Variants in CFAP74 observed in about 807,000 individuals in gnomAD.
The protein encoded by CFAP74 is cilia- and flagella-associated protein 74.
A neutral mutation model predicts 188.9 loss-of-function variants in CFAP74; 124 were observed. That is an observed-to-expected ratio of 0.66 (90% CI 0.57 to 0.76). The LOEUF (loss-of-function observed/expected upper bound fraction) is 0.76, where lower values mean the gene tolerates loss of function less well. Among genes scored for constraint, CFAP74 ranks in the 30% least tolerant of loss-of-function variants. The pLI, the probability that CFAP74 is intolerant of heterozygous loss-of-function variation, is 0.00. For missense variants in CFAP74, 2,198 were observed against 2,165.2 expected (o/e 1.02, Z -0.30); for synonymous variants, 956 against 916.7 (o/e 1.04, Z -0.77).
intron 2 of CFAP74, 34 bp from the exon 3 acceptor site, chr1:1,989,007 AAAG>A: frequency 8.8e-7 from 1 of 1,131,506 alleles, no homozygotes; most frequent in Non-Finnish European, 1.3e-6. Context: ...AAAAAAAAAA[AAAG>A]CAGATCAAAC....
chr1:1,933,752 T>C (rs1392158455), intron 25 of CFAP74, among the ~76,000 whole-genome samples: 1 of 152,258 alleles, frequency 6.6e-6, no homozygotes, highest in Non-Finnish European at 1.5e-5. Flanking sequence ...TGTTTTTCTC[T>C]GTTGAATATT....
chr1:1,977,408 G>A (rs569133704), intron 6 of CFAP74, among the ~76,000 whole-genome samples: 2 of 152,206 alleles, frequency 1.3e-5, no homozygotes, highest in African/African-American at 2.4e-5. Flanking sequence ...CCCCTCCCTC[G>A]AAGGCAGGCT....
At chr1:1,940,204 G>C in intron 23 of CFAP74, 112 bp downstream of exon 23, 1 of 828,230 alleles carries the variant, frequency 1.2e-6, no homozygotes, top group Non-Finnish European at 1.9e-6. Context: ...TGGAAGGCAA[G>C]TGAGGATGAG....
In CFAP74 at chr1:1,995,352, C is replaced by T. The variant is rs28551502; in HGVS notation, c.-19-4377G>A. ...ACTAAAAATACAAAAATTAGCCGGG[C>T]GTGATGGCGCATCCCTGTAATCCCA... On this transcript the variant is annotated intron_variant, in intron 1 of 38. Coordinates refer to ENST00000682832, the MANE Select transcript of CFAP74 (RefSeq NM_001304360.2). 3.8e-3 allele frequency among the ~76,000 whole-genome samples: 581 copies of T among 151,522 alleles called. 2 individuals are homozygous for T. The highest frequency in any genetic ancestry group is 6.9e-3 in the Middle Eastern group (2 of 290).
intron 27 of CFAP74, among the ~76,000 whole-genome samples, chr1:1,928,221 G>A (rs1267308651): frequency 4.8e-5 from 2 of 41,668 alleles, no homozygotes. Context: ...CAAACCCTTG[G>A]GAGGAAGCCA....
chr1:1,958,823 G>A (rs1226719368), intron 16 of CFAP74, among the ~76,000 whole-genome samples: 25 of 151,238 alleles, frequency 1.7e-4, no homozygotes, highest in Non-Finnish European at 1.5e-5. Flanking sequence ...AAGAGCTGCA[G>A]ATGAATGTTA....
rs1176331558 is a variant in CFAP74, at chr1:1,930,405, G to A, written c.3012-69C>T. The A allele has an allele frequency of 2.8e-6, 4 of 1,435,206 alleles. No individual in the cohort carries two copies. In the African/African-American group the frequency reaches 5.6e-5, roughly 20 times the overall value. 88.9% of individuals were successfully genotyped at this position (1,435,206 alleles called of 1,614,324 possible). On this transcript the variant is annotated intron_variant, in intron 25 of 38. Coordinates refer to ENST00000682832, the MANE Select transcript of CFAP74 (RefSeq NM_001304360.2). ...CGTGTCCCTCTGCGGCAGGCGCGGG[G>A]GCCACTGGGTGGAGGACAAGCCCCG...
At chr1:1,938,744 G>C (rs1458337254) in intron 25 of CFAP74, 111 bp downstream of exon 25, 37 of 1,293,784 alleles carry the variant, frequency 2.9e-5, no homozygotes, top group Non-Finnish European at 3.8e-5. Context: ...CAGCCCTGTG[G>C]TCAGCCAGGC....
intron 18 of CFAP74, among the ~76,000 whole-genome samples, chr1:1,948,507 G>C (rs1218051752): frequency 6.6e-6 from 1 of 151,028 alleles, no homozygotes; most frequent in Non-Finnish European, 1.5e-5. Flanking sequence ...CGATCCTCCT[G>C]CGTTGGCCCT....
At position 1,972,891 on chromosome 1, in the gene CFAP74, C is replaced by T. The variant is rs779494893; in HGVS notation, c.785+46G>A. 4 of 1,182,294 alleles carry T rather than the reference C, an allele frequency of 3.4e-6. No individual in the cohort carries two copies. The African/African-American group carries it at 6.0e-5, about 18-fold the overall frequency. 73.2% of individuals were successfully genotyped at this position (1,182,294 alleles called of 1,614,324 possible). ...GCATTTCAAGACAAAAGCAAGTGACCCGTATTCTTGGGTTTCTCCTTAAGG... is the reference window on the plus strand; with the variant it reads ...GCATTTCAAGACAAAAGCAAGTGACTCGTATTCTTGGGTTTCTCCTTAAGG... On this transcript the variant is annotated intron_variant, in intron 8 of 38. Transcript: ENST00000682832.
chr1:1,949,604 G>T (rs1329197025), intron 18 of CFAP74, among the ~76,000 whole-genome samples: 1 of 152,144 alleles, frequency 6.6e-6, no homozygotes, highest in South Asian at 2.1e-4. Context: ...ACTCATCACA[G>T]CAATCAAGAC....
intron 6 of CFAP74, among the ~76,000 whole-genome samples, chr1:1,978,034 A>G (rs1011328211): frequency 6.6e-6 from 1 of 152,210 alleles, no homozygotes; most frequent in Non-Finnish European, 1.5e-5. Context: ...TTTTTTGTAC[A>G]GATGGGGTTT....
chr1:1,945,904 G>A (rs1340365644), intron 20 of CFAP74, among the ~76,000 whole-genome samples: 1 of 148,974 alleles, frequency 6.7e-6, no homozygotes, highest in Admixed American at 6.7e-5. Flanking sequence ...GTGCATGTGT[G>A]TGCATGTGTG....
At chr1:1,960,195 T>G in intron 14 of CFAP74, 165 bp from the exon 15 acceptor site, 7 of 615,132 alleles carry the variant, frequency 1.1e-5, no homozygotes, top group Non-Finnish European at 1.7e-5. Context: ...ATCTGCTGCA[T>G]TCCCTGCTGC....
chr1:1,972,241 C>T (rs896815659), intron 8 of CFAP74, among the ~76,000 whole-genome samples, 159 bp from the exon 9 acceptor site: 9 of 152,216 alleles, frequency 5.9e-5, no homozygotes, highest in Non-Finnish European at 8.8e-5. Flanking sequence ...CCACCACAAA[C>T]GGCCACATTT....
chr1:1,954,185 G>A (rs1174148234), intron 18 of CFAP74: 7 of 152,272 alleles, frequency 4.6e-5, no homozygotes, highest in East Asian at 1.9e-4. Context: ...AAGCAGCCCC[G>A]GGCCGTGTGA....
chr1:1,968,838 G>C lies in CFAP74; in HGVS notation c.1047-5C>G. The stretch of plus-strand genomic sequence containing the variant: ...TTCTGCTCCTCCTCAAAGGCCCTGC[G>C]TGGAGTCGCTTCTCAGATGAGTGCA... On this transcript the variant is annotated splice_polypyrimidine_tract_variant and splice_region_variant and intron_variant, in intron 10 of 38. Transcript: ENST00000682832. The surrounding 1 kb of genome is among the most constrained non-coding windows in gnomAD (Gnocchi z 4.3). 1 of 1,613,566 alleles carries C rather than the reference G, an allele frequency of 6.2e-7. No individual in the cohort carries two copies. Among genetic ancestry groups the C allele is most frequent in the Non-Finnish European group, 8.5e-7 (1 of 1,179,864 alleles).
At position 1,948,946 on chromosome 1, in the gene CFAP74, T is replaced by TC. The variant is rs1558014989; in HGVS notation, c.2177-1893_2177-1892insG. ...CTTCCTTCCTCTTTCCTCCCTTCCT[T>TC]TCCCTCCCTTACTCCCTTCCTTCCT... On this transcript the variant is annotated intron_variant, in intron 18 of 38. Transcript: ENST00000682832. 1.6e-4 allele frequency among the ~76,000 whole-genome samples: 20 copies of TC among 122,218 alleles called. 1 individual carries two copies. The highest frequency in any genetic ancestry group is 1.0e-3 in the South Asian group (3 of 2,932). 80.2% of individuals were successfully genotyped at this position (122,218 alleles called of 152,430 possible). A position where few individuals can be genotyped will look rare whatever the true frequency, so the allele number is the denominator to read the frequency against.
chr1:1,925,972 T>G (rs1465763968), intron 32 of CFAP74, 34 bp from the exon 33 acceptor site: 1 of 1,555,464 alleles, frequency 6.4e-7, no homozygotes, highest in African/African-American at 1.4e-5. Flanking sequence ...CAGGAACCGA[T>G]GTCTGCTGGA....
Sources: allele counts gnomAD v4.1 joint callset (sites outside exome capture counted in the v4.1 genomes callset), GRCh38; gene constraint gnomAD v4.1.1; non-coding constraint Gnocchi (gnomAD v3.1); transcripts MANE v1.5; gene names NCBI Gene and HGNC (gene_info 2026-07-23, HGNC 2026-07-21).